THSD7A: variants seen among roughly 807,000 people sequenced by gnomAD.
THSD7A encodes the protein thrombospondin type-1 domain-containing protein 7A.
A neutral mutation model predicts 231.3 loss-of-function variants in THSD7A; 96 were observed. The ratio of observed to expected loss-of-function variants is 0.41; its 90% CI spans 0.35 to 0.49. THSD7A has a LOEUF of 0.49. Among genes scored for constraint, THSD7A ranks in the 20% least tolerant of loss-of-function variants. The pLI is 0.05. For synonymous variants in THSD7A, 940 were observed against 743.3 expected (o/e 1.26, Z -4.30); for missense variants, 2,290 against 2,070.2 (o/e 1.11, Z -2.06).
chr7:11,485,957 A>C (rs1354377510), intron 6 of THSD7A, among the ~76,000 whole-genome samples: 1 of 152,220 alleles, frequency 6.6e-6, no homozygotes, highest in Admixed American at 6.5e-5. Flanking sequence ...GCTTTAATCA[A>C]CTCAGCTAAT....
At chr7:11,400,522 C>T (rs58640861) in intron 23 of THSD7A, among the ~76,000 whole-genome samples, 3,409 of 151,300 alleles carry the variant, frequency 0.023, 126 homozygotes, top group African/African-American at 0.074. Flanking sequence ...CTATTGATTC[C>T]TAATTTTATT....
intron 4 of THSD7A, among the ~76,000 whole-genome samples, chr7:11,589,266 C>T (rs527676961): frequency 6.6e-6 from 1 of 152,132 alleles, no homozygotes; most frequent in South Asian, 2.1e-4. Flanking sequence ...CTTTCCTCCC[C>T]TCCCGTCTCT....
chr7:11,571,773 G>A (rs78), intron 4 of THSD7A, among the ~76,000 whole-genome samples: 22,759 of 151,750 alleles, frequency 0.15, 1,962 homozygotes, highest in Admixed American at 0.26. Flanking sequence ...ACCCTCGTTC[G>A]TTATCTTTAT....
intron 1 of THSD7A, among the ~76,000 whole-genome samples, chr7:11,766,079 T>C (rs1208474023): frequency 6.6e-6 from 1 of 152,182 alleles, no homozygotes; most frequent in East Asian, 1.9e-4. Flanking sequence ...ACTACATATG[T>C]GTGGAAGGGC....
chr7:11,506,654 TA>T (rs1328263018), intron 6 of THSD7A, among the ~76,000 whole-genome samples: 3 of 152,204 alleles, frequency 2.0e-5, no homozygotes, highest in African/African-American at 7.2e-5. Context: ...CATTCTCCCT[TA>T]TTCCATTTCA....
intron 6 of THSD7A, among the ~76,000 whole-genome samples, chr7:11,514,006 C>G (rs531895830): frequency 6.6e-6 from 1 of 152,054 alleles, no homozygotes; most frequent in South Asian, 2.1e-4. Flanking sequence ...TGCCATTTCT[C>G]AAACATGCTA....
In THSD7A at chr7:11,411,593, A is replaced by G. The variant is rs1191343054; in HGVS notation, c.3683-271T>C. Among the ~76,000 whole-genome samples, 1 of 152,208 alleles carries G rather than the reference A, an allele frequency of 6.6e-6. No homozygotes were observed. Among genetic ancestry groups the G allele is most frequent in the Non-Finnish European group, 1.5e-5 (1 of 68,028 alleles). On this transcript the variant is annotated intron_variant, in intron 18 of 27. Coordinates refer to ENST00000423059, the MANE Select transcript of THSD7A (RefSeq NM_015204.3). This position sits in a 1 kb window ranked among gnomAD's most constrained non-coding sequence, Gnocchi z 4.1. ...GCTAGCCGTTTGGTGACACTGTGAA[A>G]ATGGCTTTGGCTTACAGATCAATGT...
chr7:11,701,328 ATCTT>A (rs914349924), intron 1 of THSD7A, among the ~76,000 whole-genome samples: 28 of 151,368 alleles, frequency 1.8e-4, no homozygotes, highest in African/African-American at 6.8e-4. Context: ...CAATATGTAG[ATCTT>A]TCTTTAACGA....
At chr7:11,730,351 G>A (rs1340636343) in intron 1 of THSD7A, among the ~76,000 whole-genome samples, 1 of 151,324 alleles carries the variant, frequency 6.6e-6, no homozygotes, top group East Asian at 2.0e-4. Context: ...AAAAATAAAT[G>A]GAGTTCCTGG....
intron 1 of THSD7A, among the ~76,000 whole-genome samples, chr7:11,652,663 C>A (rs555627592): frequency 6.6e-6 from 1 of 151,866 alleles, no homozygotes; most frequent in East Asian, 1.9e-4. Flanking sequence ...TTATGTAAAA[C>A]TTTTTATTAA....
Position 11,417,610 on chromosome 7 carries a change from A to C in THSD7A, c.3384-7T>G. 3 of 1,594,178 alleles carry C rather than the reference A, an allele frequency of 1.9e-6. No homozygotes were observed. The South Asian group carries it at 3.4e-5, about 18-fold the overall frequency. On this transcript the variant is annotated splice_polypyrimidine_tract_variant and splice_region_variant and intron_variant, in intron 16 of 27. Transcript: ENST00000423059. Reference sequence around the variant, plus strand: ...TGCTGTATTCTGCATGCATCTAGAAAAGAACATAAACATATTCTAGAAAAT... The same window carrying C: ...TGCTGTATTCTGCATGCATCTAGAACAGAACATAAACATATTCTAGAAAAT...
intron 1 of THSD7A, among the ~76,000 whole-genome samples, chr7:11,793,779 A>G (rs1784037037): frequency 6.6e-6 from 1 of 151,950 alleles, no homozygotes; most frequent in Non-Finnish European, 1.5e-5. Flanking sequence ...GAAATAGAAC[A>G]AAAAGATTTA....
intron 6 of THSD7A, among the ~76,000 whole-genome samples, chr7:11,498,662 A>T (rs947826504): frequency 6.6e-6 from 1 of 151,188 alleles, no homozygotes; most frequent in Admixed American, 6.6e-5. Flanking sequence ...TCCTCATCCT[A>T]TTCCTCCTCA....
chr7:11,564,340 G>C (rs1297192254), intron 4 of THSD7A, among the ~76,000 whole-genome samples: 1 of 152,172 alleles, frequency 6.6e-6, no homozygotes, highest in Non-Finnish European at 1.5e-5. Flanking sequence ...CTCCAAGAAA[G>C]CCTTCTCCTC....
At chr7:11,676,410 A>T (rs1283284959) in intron 1 of THSD7A, among the ~76,000 whole-genome samples, 4 of 152,116 alleles carry the variant, frequency 2.6e-5, no homozygotes, top group Non-Finnish European at 5.9e-5. Context: ...CTGGATGGCA[A>T]ATGAGTTTGA....
chr7:11,645,508 T>C (rs540090102), intron 1 of THSD7A, among the ~76,000 whole-genome samples: 4 of 151,970 alleles, frequency 2.6e-5, no homozygotes, highest in African/African-American at 9.6e-5. Context: ...TTTATTTAAA[T>C]ACGTTAAATG....
chr7:11,726,163 C>T (rs1161998948), intron 1 of THSD7A, among the ~76,000 whole-genome samples: 1 of 151,990 alleles, frequency 6.6e-6, no homozygotes. Context: ...ATATCCTACA[C>T]ATTTTGGCAA....
intron 1 of THSD7A, among the ~76,000 whole-genome samples, chr7:11,738,115 G>C (rs1473751228): frequency 2.6e-5 from 4 of 151,962 alleles, no homozygotes; most frequent in Non-Finnish European, 5.9e-5. Context: ...CTAGATCTAT[G>C]TTCACTTAAT....
chr7:11,777,188 C>T (rs1188106237), intron 1 of THSD7A, among the ~76,000 whole-genome samples: 7 of 152,128 alleles, frequency 4.6e-5, no homozygotes, highest in African/African-American at 2.4e-5. Flanking sequence ...GATGTGAACT[C>T]ATATTTGTCT....
Sources: allele counts gnomAD v4.1 joint callset (sites outside exome capture counted in the v4.1 genomes callset), GRCh38; gene constraint gnomAD v4.1.1; non-coding constraint Gnocchi (gnomAD v3.1); transcripts MANE v1.5; gene names NCBI Gene and HGNC (gene_info 2026-07-23, HGNC 2026-07-21).